The following COL4A4 variants were observed in gnomAD, a reference collection of about 807,000 sequenced individuals.
COL4A4 encodes the protein collagen alpha-4(IV) chain.
A neutral mutation model predicts 192.9 loss-of-function variants in COL4A4; 105 were observed. The ratio of observed to expected loss-of-function variants is 0.54; its 90% CI spans 0.46 to 0.64. The LOEUF is 0.64. Among genes scored for constraint, COL4A4 ranks in the 30% least tolerant of loss-of-function variants. The pLI is 0.00. For synonymous variants in COL4A4, 762 were observed against 769.9 expected, an observed-to-expected ratio of 0.99 and a Z score of 0.17; for missense variants, 1,967 against 2,169.3, an observed-to-expected ratio of 0.91 and a Z score of 1.85.
chr2:227,045,801 CAT>C (rs771258452), intron 35 of COL4A4, among the ~76,000 whole-genome samples: 1,524 of 51,610 alleles, frequency 0.03, 396 homozygotes, highest in African/African-American at 0.17. Context: ...TATATATACA[CAT>C]ATATATATAT....
At chr2:226,985,762 G>A in the COL4A4 span, among the ~76,000 whole-genome samples, 6 of 152,194 alleles carry the variant, frequency 3.9e-5, no homozygotes, top group Non-Finnish European at 7.3e-5. Flanking sequence ...ACTTCACCTG[G>A]AATGAGGGGT....
In COL4A4 at chr2:227,078,805, C is replaced by A. The variant is rs553251486; in HGVS notation, c.1804-728G>T. On this transcript the variant is annotated intron_variant, in intron 24 of 47. Transcript: ENST00000396625. Reference sequence around the variant, plus strand: ...TCCACCCCTGTGGGTAAAAGCCTAGCAAGTCCTTTCTCCTCTTGCATGACA... The same window carrying A: ...TCCACCCCTGTGGGTAAAAGCCTAGAAAGTCCTTTCTCCTCTTGCATGACA... Among the ~76,000 whole-genome samples, 32 of 152,320 alleles carry A rather than the reference C, an allele frequency of 2.1e-4. No homozygotes were observed. The South Asian group carries it at 6.4e-3, about 31-fold the overall frequency.
intron 21 of COL4A4, among the ~76,000 whole-genome samples, chr2:227,089,240 A>G (rs1398320614): frequency 6.6e-6 from 1 of 152,174 alleles, no homozygotes; most frequent in East Asian, 1.9e-4. Flanking sequence ...AGGAGACAAA[A>G]TAATACATGA....
intron 10 of COL4A4, 65 bp from the exon 11 acceptor site, chr2:227,108,933 T>C (rs561726320): frequency 6.7e-7 from 1 of 1,487,462 alleles, no homozygotes; most frequent in African/African-American, 1.4e-5. Flanking sequence ...GTGCCTTCTT[T>C]TGTTACCCCA....
chr2:227,087,703 G>A (rs892005393), intron 22 of COL4A4, among the ~76,000 whole-genome samples: 15 of 152,210 alleles, frequency 9.9e-5, no homozygotes, highest in African/African-American at 3.6e-4. Flanking sequence ...TATCCATATG[G>A]TCTATGCTCC....
At chr2:227,011,413 G>A (rs13404750) in intron 45 of COL4A4, among the ~76,000 whole-genome samples, 66,139 of 151,862 alleles carry the variant, frequency 0.44, 14,481 homozygotes, top group South Asian at 0.58. Flanking sequence ...TAGAGTGTAG[G>A]CCCACATTTC....
In COL4A4 at chr2:227,012,251, G is replaced by T. The variant is rs750090423; in HGVS notation, c.4263C>A (p.Gly1421=). Residue 1421 remains glycine, a synonymous_variant, in exon 45 of 48, where the codon GGC becomes GGA. Transcript: ENST00000396625. ...PGLDGRRGVD[G]VPGSPGPPGR... ...CGGGAGGCCCAGGAGACCCAGGGAC[G>T]CCATCCACACCCCTCCTGCCATCCA... The T allele has an allele frequency of 6.2e-7, 1 of 1,614,036 alleles. No individual in the cohort carries two copies. Among genetic ancestry groups the T allele is most frequent in the Admixed American group, 1.7e-5 (1 of 60,010 alleles).
At chr2:227,087,256 G>T (rs140297617) in intron 22 of COL4A4, among the ~76,000 whole-genome samples, 1 of 152,190 alleles carries the variant, frequency 6.6e-6, no homozygotes, top group Admixed American at 6.5e-5. Flanking sequence ...ATGATATCAC[G>T]TAAACTCTGA....
chr2:227,082,789 T>A (rs55865762), intron 22 of COL4A4, among the ~76,000 whole-genome samples: 27 of 152,322 alleles, frequency 1.8e-4, no homozygotes. Flanking sequence ...TTTCTGAAGC[T>A]AATATATTTA....
intron 40 of COL4A4, among the ~76,000 whole-genome samples, chr2:227,031,650 G>T (rs1007034549): frequency 6.6e-6 from 1 of 152,164 alleles, no homozygotes; most frequent in Non-Finnish European, 1.5e-5. Flanking sequence ...AAGACATTTG[G>T]TCAGCATCAA....
intron 17 of COL4A4, 50 bp from the exon 18 acceptor site, chr2:227,099,739 T>C (rs777224406): frequency 1.3e-6 from 2 of 1,520,420 alleles, no homozygotes; most frequent in Admixed American, 3.4e-5. Flanking sequence ...ATTTTACTCA[T>C]GTTGCCTGGC....
At position 227,031,951 on chromosome 2, in the gene COL4A4, G is replaced by T; in HGVS notation, c.3811C>A (p.Pro1271Thr). The T allele has an allele frequency of 6.2e-7, 1 of 1,609,734 alleles. No individual in the cohort carries two copies. ...TGTCATGATTCTCTCATACCTCTTG[G>T]GCCATCAGGACCAGGAGGTCCCTGA... ...GDQGPPGPDGPRGAPGPPGLP... is the reference protein window; with the variant it reads ...GDQGPPGPDGTRGAPGPPGLP... Residue 1271 changes from proline to threonine, a missense_variant, in exon 40 of 48, where the codon CCA (proline) becomes ACA (threonine). Transcript: ENST00000396625.
Position 227,025,794 on chromosome 2 carries a change from A to G in COL4A4, c.4090+8T>C. ...AGGGGAAATTACCAATTTTATAGCA[A>G]AGCTTACCTCTGGGACCTAGAGGGA... On this transcript the variant is annotated splice_region_variant and intron_variant, in intron 43 of 47. Transcript: ENST00000396625. The G allele has an allele frequency of 6.2e-7, 1 of 1,612,846 alleles. No homozygotes were observed. Among genetic ancestry groups the G allele is most frequent in the Admixed American group, 1.7e-5 (1 of 59,898 alleles).
At chr2:226,978,434 G>A in the COL4A4 span, among the ~76,000 whole-genome samples, 1 of 152,256 alleles carries the variant, frequency 6.6e-6, no homozygotes, top group South Asian at 2.1e-4. Context: ...AGAGTGCTGG[G>A]CTTGGATCTG....
At chr2:227,103,072 T>C in intron 14 of COL4A4, 72 bp downstream of exon 14, 5 of 1,373,232 alleles carry the variant, frequency 3.6e-6, no homozygotes, top group Non-Finnish European at 5.1e-6. Context: ...ATAAAGACCA[T>C]GAGAAATAAC....
the COL4A4 span, among the ~76,000 whole-genome samples, chr2:226,986,235 C>G: frequency 6.6e-6 from 1 of 152,102 alleles, no homozygotes. Flanking sequence ...ACTAAGGAGA[C>G]TTGGTAACAA....
chr2:227,054,134 T>A (rs1343075042), intron 31 of COL4A4, among the ~76,000 whole-genome samples: 5 of 152,230 alleles, frequency 3.3e-5, no homozygotes, highest in African/African-American at 1.2e-4. Flanking sequence ...TGTTTGTTTC[T>A]GTGTTGTCTA....
intron 31 of COL4A4, 55 bp downstream of exon 31, chr2:227,054,539 G>A: frequency 6.3e-7 from 1 of 1,597,778 alleles, no homozygotes; most frequent in Non-Finnish European, 8.6e-7. Flanking sequence ...CACATTTCTA[G>A]GTTTGGATCA....
intron 44 of COL4A4, among the ~76,000 whole-genome samples, chr2:227,016,641 A>T (rs531339680): frequency 1.6e-4 from 25 of 152,176 alleles, no homozygotes; most frequent in African/African-American, 6.0e-4. Context: ...CGCCCCACTG[A>T]TTGTAAAGTC....
Sources: allele counts gnomAD v4.1 joint callset (sites outside exome capture counted in the v4.1 genomes callset), GRCh38; gene constraint gnomAD v4.1.1; transcripts MANE v1.5; gene names NCBI Gene and HGNC (gene_info 2026-07-23, HGNC 2026-07-21).